SPATA13: variants seen among roughly 807,000 people sequenced by gnomAD.
SPATA13 encodes the protein spermatogenesis associated 13.
SPATA13 carries 50 observed loss-of-function variants against 104.0 expected under a neutral mutation model. That is an observed-to-expected ratio of 0.48 (90% CI 0.38 to 0.61). The LOEUF is 0.61. Ranked by LOEUF, SPATA13 falls within the 20% of genes least tolerant of loss-of-function variation. The pLI, the probability that SPATA13 is intolerant of heterozygous loss-of-function variation, is 0.00. For missense variants in SPATA13, 1,524 were observed against 1,690.6 expected (o/e 0.90, Z 1.73); for synonymous variants, 606 against 667.5 (o/e 0.91, Z 1.42).
intron 1 of SPATA13, among the ~76,000 whole-genome samples, chr13:24,181,921 C>G (rs1411356730): frequency 6.6e-6 from 1 of 152,100 alleles, no homozygotes; most frequent in Non-Finnish European, 1.5e-5. Context: ...TCGAGACCAG[C>G]CTGGTCAACA....
At chr13:24,047,257 T>G (rs1177553832) in intron 3 of SPATA13, among the ~76,000 whole-genome samples, 2 of 152,140 alleles carry the variant, frequency 1.3e-5, no homozygotes, top group Non-Finnish European at 2.9e-5. Context: ...TAGGAACAAT[T>G]GGAAAAGTCA....
intron 4 of SPATA13, among the ~76,000 whole-genome samples, chr13:24,266,719 A>G (rs562596849): frequency 6.6e-6 from 1 of 152,258 alleles, no homozygotes; most frequent in South Asian, 2.1e-4. Flanking sequence ...AATGATGGTC[A>G]TTTCCCAGTT....
intron 2 of SPATA13, among the ~76,000 whole-genome samples, chr13:23,992,379 A>G (rs533273137): frequency 6.6e-6 from 1 of 152,368 alleles, no homozygotes; most frequent in South Asian, 2.1e-4. Flanking sequence ...TAAGTCCTGT[A>G]GTAAAGCCCA....
intron 7 of SPATA13, 21 bp from the exon 8 acceptor site, chr13:24,288,978 T>A: frequency 2.5e-6 from 4 of 1,571,280 alleles, no homozygotes; most frequent in Non-Finnish European, 3.4e-6. Flanking sequence ...AAATAAAAAG[T>A]ATTACTTCTG....
upstream of SPATA13, among the ~76,000 whole-genome samples, chr13:24,158,976 A>G (rs866805026): frequency 3.3e-5 from 5 of 152,254 alleles, no homozygotes; most frequent in Non-Finnish European, 5.9e-5. Context: ...TCTTCACTAT[A>G]AAAAGTATTG....
intron 2 of SPATA13, among the ~76,000 whole-genome samples, chr13:23,992,092 C>G (rs959156083): frequency 5.9e-5 from 9 of 152,152 alleles, no homozygotes; most frequent in African/African-American, 1.7e-4. Context: ...AATAGTGAGG[C>G]CCATTTGCAG....
intron 3 of SPATA13, among the ~76,000 whole-genome samples, chr13:24,022,854 A>AT (rs375493378): frequency 4.6e-4 from 70 of 152,274 alleles, no homozygotes; most frequent in African/African-American, 1.6e-3. Context: ...AAAAAGAAAC[A>AT]TTGAATCATG....
chr13:24,048,629 C>T (rs1878229717), intron 3 of SPATA13, among the ~76,000 whole-genome samples: 1 of 151,586 alleles, frequency 6.6e-6, no homozygotes, highest in African/African-American at 2.4e-5. Flanking sequence ...GAAAACATTT[C>T]AGATAGTTCA....
chr13:24,205,816 C>G lies in SPATA13; in HGVS notation c.-111-17003C>G, dbSNP rs534930402. Among the ~76,000 whole-genome samples the G allele has an allele frequency of 6.6e-6, 1 of 152,066 alleles. No homozygotes were observed. The highest frequency in any genetic ancestry group is 2.1e-4 in the South Asian group (1 of 4,802). On this transcript the variant is annotated intron_variant, in intron 1 of 12. Coordinates refer to ENST00000382108, the MANE Select transcript of SPATA13 (RefSeq NM_001166271.3). This position sits in a 1 kb window ranked among gnomAD's most constrained non-coding sequence, Gnocchi z 4.1. ...CTATCTGACCTTTGACAAACCTGAC[C>G]AAAAACAAGCAATGGAGAAAGGATA...
intron 3 of SPATA13, chr13:24,034,792 G>C (rs941121773): frequency 6.6e-6 from 1 of 152,306 alleles, no homozygotes; most frequent in Non-Finnish European, 1.5e-5. Context: ...CAGAGTCCTA[G>C]GAGTGATTGT....
intron 1 of SPATA13, among the ~76,000 whole-genome samples, chr13:24,204,266 T>C (rs1339391525): frequency 6.6e-6 from 1 of 152,170 alleles, no homozygotes; most frequent in Non-Finnish European, 1.5e-5. Flanking sequence ...ACATTTTTCA[T>C]TTTGCAGATG....
At chr13:24,108,784 T>C (rs1880541813) in intron 3 of SPATA13, among the ~76,000 whole-genome samples, 1 of 152,110 alleles carries the variant, frequency 6.6e-6, no homozygotes, top group African/African-American at 2.4e-5. Context: ...TTGGGATTTT[T>C]CGGAAAGATT....
chr13:24,284,317 T>C, intron 5 of SPATA13, 46 bp downstream of exon 5: 1 of 1,580,154 alleles, frequency 6.3e-7, no homozygotes, highest in South Asian at 1.1e-5. Flanking sequence ...ATACCTGATT[T>C]TCAGGGTCCA....
At chr13:24,053,847 G>A (rs1420142026) in intron 3 of SPATA13, among the ~76,000 whole-genome samples, 1 of 152,164 alleles carries the variant, frequency 6.6e-6, no homozygotes, top group East Asian at 1.9e-4. Flanking sequence ...ACATTTTCAG[G>A]AATGGATTCT....
chr13:24,016,735 C>T (rs1329037586), intron 2 of SPATA13, among the ~76,000 whole-genome samples: 1 of 152,214 alleles, frequency 6.6e-6, no homozygotes, highest in East Asian at 1.9e-4. Flanking sequence ...CAGAGAAAAG[C>T]CCCTGGAAGG....
intron 1 of SPATA13, among the ~76,000 whole-genome samples, chr13:24,214,508 C>T (rs1336195763): frequency 1.3e-5 from 2 of 152,184 alleles, no homozygotes; most frequent in African/African-American, 2.4e-5. Flanking sequence ...TTTAGGATCC[C>T]ATGGAGAAAG....
At chr13:24,036,645 C>T (rs1877694274) in intron 3 of SPATA13, among the ~76,000 whole-genome samples, 1 of 152,110 alleles carries the variant, frequency 6.6e-6, no homozygotes, top group Non-Finnish European at 1.5e-5. Context: ...CCTGCTCCTT[C>T]CTGCTTGTCT....
rs7326164 is a variant in SPATA13, at chr13:24,129,112, A to G, written c.-111-93707A>G. Among the ~76,000 whole-genome samples, 590 of 152,326 alleles carry G rather than the reference A, an allele frequency of 3.9e-3. 2 individuals carry two copies. The highest frequency in any genetic ancestry group is 0.014 in the African/African-American group (569 of 41,574). ...CTTCTAATGATCCTATACTTTAAAG[A>G]AGTGGCTTCTGCAGCATGGGCTTTC... On this transcript the variant is annotated intron_variant, in intron 3 of 14. Transcript: ENST00000424834.
intron 12 of SPATA13, 75 bp downstream of exon 12, chr13:24,300,550 G>C: frequency 7.3e-7 from 1 of 1,378,904 alleles, no homozygotes; most frequent in Non-Finnish European, 1.0e-6. Flanking sequence ...ACCCCAAGTT[G>C]TCAGCCTGTG....
Sources: gnomAD v4.1 joint callset for allele counts (sites outside exome capture counted in the v4.1 genomes callset) on GRCh38, gnomAD v4.1.1 for gene constraint, Gnocchi (gnomAD v3.1) non-coding constraint, MANE v1.5 for transcripts, NCBI Gene and HGNC (gene_info 2026-07-23, HGNC 2026-07-21) for gene names.